ST8SIA6: variants seen among roughly 807,000 people sequenced by gnomAD.
ST8SIA6 encodes ST8 alpha-N-acetyl-neuraminide alpha-2,8-sialyltransferase 6.
In ST8SIA6, 39 loss-of-function variants were observed where a neutral mutation model predicts 33.6. That is an observed-to-expected ratio of 1.16 (90% CI 0.90 to 1.52). The LOEUF is 1.52. ST8SIA6 is among the 40% of genes most tolerant of loss of function. ST8SIA6 has a pLI of 0.00. For missense variants in ST8SIA6, 441 were observed against 443.8 expected (o/e 0.99, Z 0.06); for synonymous variants, 172 against 167.2 (o/e 1.03, Z -0.22).
chr10:17,342,874 A>G (rs1848721066), intron 4 of ST8SIA6, among the ~76,000 whole-genome samples: 1 of 152,148 alleles, frequency 6.6e-6, no homozygotes, highest in Non-Finnish European at 1.5e-5. Context: ...GCTTGAACCC[A>G]GGAGACGGAG....
At chr10:17,332,473 T>C (rs1220557782) in intron 4 of ST8SIA6, among the ~76,000 whole-genome samples, 1 of 152,170 alleles carries the variant, frequency 6.6e-6, no homozygotes, top group Non-Finnish European at 1.5e-5. Flanking sequence ...ACTTTGTTTT[T>C]TTATTTTTTG....
chr10:17,381,736 G>T (rs915659817), intron 3 of ST8SIA6, among the ~76,000 whole-genome samples: 1 of 152,162 alleles, frequency 6.6e-6, no homozygotes. Context: ...GCCCCAAACA[G>T]AATGATCTTT....
At position 17,390,619 on chromosome 10, in the gene ST8SIA6, TGCTGTTTCATGA is replaced by T. The variant is rs1444854645; in HGVS notation, c.201-11_201del. 1 of 1,606,268 alleles carries T rather than the reference TGCTGTTTCATGA, an allele frequency of 6.2e-7. No individual in the cohort carries two copies. Among genetic ancestry groups the T allele is most frequent in the Non-Finnish European group, 8.5e-7 (1 of 1,176,634 alleles). On this transcript the variant is annotated splice_acceptor_variant and splice_polypyrimidine_tract_variant and coding_sequence_variant and intron_variant, in exon 3 of 8. Coordinates refer to ENST00000377602, the MANE Select transcript of ST8SIA6 (RefSeq NM_001004470.3). Reference sequence around the variant, plus strand: ...TGGAGCGACTTCTCATTCAGATATGTGCTGTTTCATGAAAGAGATTTTTAAAAAGATTGATTT... The same window carrying T: ...TGGAGCGACTTCTCATTCAGATATGTAAGAGATTTTTAAAAAGATTGATTT...
chr10:17,386,175 T>TCA (rs371809115), intron 3 of ST8SIA6, among the ~76,000 whole-genome samples: 3,532 of 150,124 alleles, frequency 0.024, 82 homozygotes, highest in East Asian at 0.092. Flanking sequence ...AGTGAGACTG[T>TCA]CACACACACA....
chr10:17,425,441 C>T (rs1851904163), intron 2 of ST8SIA6, among the ~76,000 whole-genome samples: 1 of 152,018 alleles, frequency 6.6e-6, no homozygotes, highest in East Asian at 1.9e-4. Flanking sequence ...TGGTGGTGCG[C>T]CTGTAATCCC....
At chr10:17,325,309 A>G (rs1848095050) in intron 6 of ST8SIA6, among the ~76,000 whole-genome samples, 1 of 146,466 alleles carries the variant, frequency 6.8e-6, no homozygotes, top group Admixed American at 6.9e-5. Flanking sequence ...ACACAGTATT[A>G]TATATTTATC....
intron 4 of ST8SIA6, among the ~76,000 whole-genome samples, chr10:17,339,828 GT>G (rs1848617222): frequency 1.3e-5 from 2 of 152,150 alleles, no homozygotes; most frequent in Non-Finnish European, 2.9e-5. Context: ...AGTTAAGAAG[GT>G]CACATATGAC....
At chr10:17,452,568 G>C (rs1290644652) in intron 2 of ST8SIA6, among the ~76,000 whole-genome samples, 1 of 152,122 alleles carries the variant, frequency 6.6e-6, no homozygotes, top group Non-Finnish European at 1.5e-5. Flanking sequence ...CATACTCTTT[G>C]ACTTACTAAT....
chr10:17,358,826 A>G (rs1160210365), intron 4 of ST8SIA6, among the ~76,000 whole-genome samples: 1 of 152,184 alleles, frequency 6.6e-6, no homozygotes, highest in Non-Finnish European at 1.5e-5. Flanking sequence ...CCGCCCCCCA[A>G]AAAAACCAGA....
chr10:17,423,072 G>A (rs960324943), intron 2 of ST8SIA6, among the ~76,000 whole-genome samples: 12 of 152,192 alleles, frequency 7.9e-5, no homozygotes, highest in Admixed American at 7.9e-4. Context: ...CTGCACCGGA[G>A]CCAAGGAGAC....
rs75341741 is a variant in ST8SIA6 at position 17,390,045 on chromosome 10, A to C, written c.290+486T>G. ...GCTCTGTCCCCTGGGCTGGAGTGCA[A>C]GTGGTGCCATCATAGCTCACTGCAA... On this transcript the variant is annotated intron_variant, in intron 3 of 7. Coordinates refer to ENST00000377602, the MANE Select transcript of ST8SIA6 (RefSeq NM_001004470.3). Among the ~76,000 whole-genome samples the C allele has an allele frequency of 8.8e-3, 1,347 of 152,238 alleles. 9 individuals are homozygous for C. The highest frequency in any genetic ancestry group is 0.037 in the Middle Eastern group (11 of 294).
intron 3 of ST8SIA6, among the ~76,000 whole-genome samples, chr10:17,363,901 T>C (rs17438092): frequency 1.2e-4 from 19 of 152,182 alleles, no homozygotes; most frequent in Admixed American, 2.6e-4. Flanking sequence ...TTGAGCTTCA[T>C]TGAGGCTTGC....
chr10:17,409,660 T>G (rs1851385734), intron 2 of ST8SIA6: 1 of 152,266 alleles, frequency 6.6e-6, no homozygotes, highest in African/African-American at 2.4e-5. Context: ...GCGGGTCTTC[T>G]GAGATCGAGA....
At chr10:17,354,538 A>T (rs1223352522) in intron 4 of ST8SIA6, among the ~76,000 whole-genome samples, 1 of 152,214 alleles carries the variant, frequency 6.6e-6, no homozygotes, top group East Asian at 1.9e-4. Flanking sequence ...AAGAACAGAG[A>T]GCAGGACATC....
intron 3 of ST8SIA6, among the ~76,000 whole-genome samples, chr10:17,368,407 C>CAAAAAAAAA (rs200826980): frequency 3.5e-4 from 25 of 72,192 alleles, no homozygotes; most frequent in Non-Finnish European, 3.2e-4. Context: ...AGCTCTGTCT[C>CAAAAAAAAA]AAAAAAAAAA....
intron 3 of ST8SIA6, among the ~76,000 whole-genome samples, chr10:17,379,974 T>G (rs1439105837): frequency 1.3e-5 from 2 of 152,160 alleles, no homozygotes; most frequent in Non-Finnish European, 2.9e-5. Context: ...TGAGCTAACT[T>G]TATAGCTCAA....
chr10:17,380,138 C>T (rs1206039096), intron 3 of ST8SIA6, among the ~76,000 whole-genome samples: 1 of 152,152 alleles, frequency 6.6e-6, no homozygotes, highest in East Asian at 1.9e-4. Flanking sequence ...TTCCTGCTTC[C>T]ATGTCGATGG....
chr10:17,340,094 A>C (rs896696813), intron 4 of ST8SIA6, among the ~76,000 whole-genome samples: 6 of 152,224 alleles, frequency 3.9e-5, no homozygotes, highest in African/African-American at 1.4e-4. Flanking sequence ...AGAACTGATA[A>C]ATACAGTGAG....
rs188345368 is a variant in ST8SIA6 at position 17,352,568 on chromosome 10, C to T, written c.377+6946G>A. ...AAACACAAGGCAGGCTGAAAGGGAG[C>T]GTATTTGACATGTGAACATAAAAAT... On this transcript the variant is annotated intron_variant, in intron 4 of 7. Transcript: ENST00000377602. Among the ~76,000 whole-genome samples, 6 of 152,108 alleles carry T rather than the reference C, an allele frequency of 3.9e-5. No individual in the cohort carries two copies. The East Asian group carries it at 1.2e-3, about 29-fold the overall frequency.
Sources: allele counts gnomAD v4.1 joint callset (sites outside exome capture counted in the v4.1 genomes callset), GRCh38; gene constraint gnomAD v4.1.1; transcripts MANE v1.5; gene names NCBI Gene and HGNC (gene_info 2026-07-23, HGNC 2026-07-21).